The following DGKI variants were observed in gnomAD, a reference collection of about 807,000 sequenced individuals.
DGKI encodes DAG kinase iota.
Under a neutral mutation model 147.5 loss-of-function variants are expected in DGKI, and 55 were observed. The ratio of observed to expected loss-of-function variants is 0.37; its 90% confidence interval spans 0.30 to 0.47. The LOEUF is 0.47. DGKI is among the 20% of genes least tolerant of loss of function. The pLI, the probability that DGKI is intolerant of heterozygous loss-of-function variation, is 1.00. For missense variants in DGKI, 1,007 were observed against 1,323.8 expected, an observed-to-expected ratio of 0.76 and a Z score of 3.71; for synonymous variants, 469 against 477.1, an observed-to-expected ratio of 0.98 and a Z score of 0.22.
chr7:137,623,138 G>A (rs1474994863), intron 7 of DGKI, among the ~76,000 whole-genome samples: 5 of 152,238 alleles, frequency 3.3e-5, no homozygotes, highest in African/African-American at 1.2e-4. Context: ...TACCAGAGGA[G>A]TTCTCAACAA....
intron 1 of DGKI, among the ~76,000 whole-genome samples, chr7:137,713,274 A>ATAAAT (rs1186455781): frequency 4.6e-5 from 7 of 152,184 alleles, no homozygotes; most frequent in Non-Finnish European, 7.3e-5. Context: ...TCCAGCTTGG[A>ATAAAT]ATTAATTTAT....
At chr7:137,608,594 T>C (rs1413243914) in intron 10 of DGKI, among the ~76,000 whole-genome samples, 1 of 152,094 alleles carries the variant, frequency 6.6e-6, no homozygotes, top group Non-Finnish European at 1.5e-5. Context: ...TAAATTGCAA[T>C]AGAAAGAAAT....
chr7:137,846,200 C>CACAG lies in DGKI; in HGVS notation c.401+258_401+261dup, dbSNP rs1798723474. ...ACACACACACACACACACACACACA[C>CACAG]ACAGACAAAATTTCTGTTGCTCTGA... is the stretch of plus-strand genomic sequence containing the variant. On this transcript the variant is annotated intron_variant, in intron 1 of 32. Transcript: ENST00000614521. The surrounding 1 kb of genome is among the most constrained non-coding windows in gnomAD (Gnocchi z 4.0). Among the ~76,000 whole-genome samples the CACAG allele has an allele frequency of 2.7e-5, 4 of 146,458 alleles. No homozygotes were observed. Among genetic ancestry groups the CACAG allele is most frequent in the South Asian group, 2.1e-4 (1 of 4,726 alleles).
chr7:137,489,865 G>A (rs574805429), intron 21 of DGKI, among the ~76,000 whole-genome samples: 1 of 152,274 alleles, frequency 6.6e-6, no homozygotes, highest in South Asian at 2.1e-4. Flanking sequence ...TATTATCAGT[G>A]TTTGGAGTTA....
At chr7:137,712,408 C>T (rs763915275) in intron 1 of DGKI, among the ~76,000 whole-genome samples, 5 of 152,082 alleles carry the variant, frequency 3.3e-5, no homozygotes, top group Non-Finnish European at 4.4e-5. Context: ...GTTTTGTGTT[C>T]TAATCAAAAT....
chr7:137,762,441 A>G (rs1157119477), intron 1 of DGKI, among the ~76,000 whole-genome samples: 1 of 152,082 alleles, frequency 6.6e-6, no homozygotes, highest in Non-Finnish European at 1.5e-5. Flanking sequence ...CACATTCTAT[A>G]CTCCAGCAGC....
intron 8 of DGKI, among the ~76,000 whole-genome samples, chr7:137,617,124 CA>C (rs60654879): frequency 0.095 from 4,577 of 47,988 alleles, 38 homozygotes; most frequent in African/African-American, 0.13. Flanking sequence ...TCCCTTTTAC[CA>C]AAAAAAAAAA....
chr7:137,638,498 ATATGTATATATATGTG>A (rs1563125356), intron 6 of DGKI, among the ~76,000 whole-genome samples: 35 of 121,194 alleles, frequency 2.9e-4, no homozygotes, highest in African/African-American at 1.1e-3. Flanking sequence ...ACACACATAT[ATATGTATATATATGTG>A]TGTATATATA....
intron 12 of DGKI, among the ~76,000 whole-genome samples, chr7:137,595,164 G>C (rs1017814379): frequency 6.6e-6 from 1 of 152,206 alleles, no homozygotes; most frequent in Non-Finnish European, 1.5e-5. Flanking sequence ...AATACTCATA[G>C]TTATGCTATC....
At chr7:137,511,853 T>A (rs1816590963) in intron 21 of DGKI, among the ~76,000 whole-genome samples, 1 of 152,204 alleles carries the variant, frequency 6.6e-6, no homozygotes, top group South Asian at 2.1e-4. Flanking sequence ...TCACTCAAGG[T>A]TTATCCCCTT....
chr7:137,490,976 T>C (rs1815742550), intron 21 of DGKI, among the ~76,000 whole-genome samples: 1 of 152,172 alleles, frequency 6.6e-6, no homozygotes, highest in African/African-American at 2.4e-5. Context: ...TCACCAGAAA[T>C]ACTACTAACC....
At chr7:137,507,247 A>G (rs1340513338) in intron 21 of DGKI, among the ~76,000 whole-genome samples, 3 of 152,204 alleles carry the variant, frequency 2.0e-5, no homozygotes, top group African/African-American at 7.2e-5. Flanking sequence ...GTAATTATAG[A>G]GTTTGGATTC....
At chr7:137,702,077 T>A (rs1824003256) in intron 1 of DGKI, among the ~76,000 whole-genome samples, 1 of 152,052 alleles carries the variant, frequency 6.6e-6, no homozygotes, top group Non-Finnish European at 1.5e-5. Flanking sequence ...GACAAGATGC[T>A]AGGAAAAAAA....
intron 21 of DGKI, among the ~76,000 whole-genome samples, chr7:137,502,181 C>T (rs890438671): frequency 6.6e-6 from 1 of 152,122 alleles, no homozygotes; most frequent in Non-Finnish European, 1.5e-5. Flanking sequence ...CGGACTAATA[C>T]AGGGCCTAAG....
At chr7:137,470,591 T>C (rs1422855820) in intron 23 of DGKI, among the ~76,000 whole-genome samples, 1 of 151,792 alleles carries the variant, frequency 6.6e-6, no homozygotes, top group East Asian at 1.9e-4. Flanking sequence ...TGAGACAGGC[T>C]GTCTTCCAGG....
At chr7:137,431,891 G>A (rs1813088365) in intron 28 of DGKI, among the ~76,000 whole-genome samples, 2 of 152,160 alleles carry the variant, frequency 1.3e-5, no homozygotes, top group East Asian at 1.9e-4. Flanking sequence ...AAGTTGATAC[G>A]GTTTGGATCC....
intron 1 of DGKI, among the ~76,000 whole-genome samples, chr7:137,785,684 C>A (rs762780145): frequency 6.6e-6 from 1 of 151,950 alleles, no homozygotes; most frequent in Non-Finnish European, 1.5e-5. Context: ...CAGAAAACTA[C>A]AGACCAATAC....
At chr7:137,497,944 C>A (rs1262951300) in intron 21 of DGKI, among the ~76,000 whole-genome samples, 1 of 151,936 alleles carries the variant, frequency 6.6e-6, no homozygotes, top group African/African-American at 2.4e-5. Context: ...GCACATATAC[C>A]CCTGAATCTA....
In DGKI at chr7:137,433,676, T is replaced by C. The variant is rs554298555; in HGVS notation, c.2761+10401A>G. On this transcript the variant is annotated intron_variant, in intron 28 of 32. Transcript: ENST00000614521. ...ATTCAATTTTTTGTTTCTGCTATCA[T>C]AGAATATTACACAAAGACCAGAGTC... 3.6e-4 allele frequency among the ~76,000 whole-genome samples: 55 copies of C among 152,348 alleles called. 1 individual carries two copies. Among genetic ancestry groups the C allele is most frequent in the African/African-American group, 1.3e-3 (54 of 41,582 alleles).
Sources: gnomAD v4.1 joint callset for allele counts (sites outside exome capture counted in the v4.1 genomes callset) on GRCh38, gnomAD v4.1.1 for gene constraint, Gnocchi (gnomAD v3.1) non-coding constraint, MANE v1.5 for transcripts, NCBI Gene and HGNC (gene_info 2026-07-23, HGNC 2026-07-21) for gene names.